RAB5C: variants seen among roughly 807,000 people sequenced by gnomAD.
RAB5C encodes the protein RAB5C, member RAS oncogene family, also known as ras-related protein Rab-5C.
RAB5C carries 4 observed loss-of-function variants against 25.2 expected under a neutral mutation model. The observed-to-expected ratio is 0.16, with a 90% CI of 0.08 to 0.36. RAB5C has a LOEUF of 0.36. Among genes scored for constraint, RAB5C ranks in the 10% least tolerant of loss-of-function variants. RAB5C has a pLI of 1.00. For synonymous variants in RAB5C, 100 were observed against 106.4 expected (o/e 0.94, Z 0.37); for missense variants, 199 against 283.8 (o/e 0.70, Z 2.15).
intron 1 of RAB5C, among the ~76,000 whole-genome samples, chr17:42,147,811 C>T (rs1476465711): frequency 6.6e-6 from 1 of 152,042 alleles, no homozygotes; most frequent in Non-Finnish European, 1.5e-5. Context: ...AAGAAGTGGG[C>T]GAGGGCCAGG....
At chr17:42,153,138 G>A (rs567077008) in intron 1 of RAB5C, among the ~76,000 whole-genome samples, 3 of 152,166 alleles carry the variant, frequency 2.0e-5, no homozygotes, top group Non-Finnish European at 4.4e-5. Context: ...TAAGTAGGCC[G>A]GGCACGGTGG....
intron 1 of RAB5C, among the ~76,000 whole-genome samples, chr17:42,140,801 C>T (rs2079598999): frequency 6.6e-6 from 1 of 151,966 alleles, no homozygotes; most frequent in African/African-American, 2.4e-5. Context: ...GTTGGGATTA[C>T]AGGCATGAGC....
chr17:42,138,485 C>G (rs994559339), intron 1 of RAB5C, among the ~76,000 whole-genome samples: 1 of 152,162 alleles, frequency 6.6e-6, no homozygotes, highest in African/African-American at 2.4e-5. Flanking sequence ...TGCTGCCTTT[C>G]CACAGCCACA....
intron 1 of RAB5C, among the ~76,000 whole-genome samples, chr17:42,149,848 A>G (rs1480861048): frequency 6.7e-6 from 1 of 148,408 alleles, no homozygotes; most frequent in African/African-American, 2.5e-5. Context: ...TGTTTTAGAC[A>G]TGGGGTCTCA....
chr17:42,149,633 G>A (rs1225055683), intron 1 of RAB5C, among the ~76,000 whole-genome samples: 1 of 152,076 alleles, frequency 6.6e-6, no homozygotes, highest in African/African-American at 2.4e-5. Flanking sequence ...TTCAATTCAT[G>A]CAAACTTTGC....
intron 1 of RAB5C, among the ~76,000 whole-genome samples, chr17:42,144,809 C>A (rs1410473371): frequency 6.6e-6 from 1 of 151,890 alleles, no homozygotes; most frequent in Non-Finnish European, 1.5e-5. Context: ...CGCCTGTAGT[C>A]CCAGCTACGC....
chr17:42,140,563 G>A (rs1282896971), intron 1 of RAB5C, among the ~76,000 whole-genome samples: 1 of 123,990 alleles, frequency 8.1e-6, no homozygotes, highest in South Asian at 2.8e-4. Flanking sequence ...TCGCTCTGTC[G>A]CCCAGGCTGG....
At chr17:42,151,426 G>A (rs1431488039) in intron 1 of RAB5C, among the ~76,000 whole-genome samples, 1 of 151,104 alleles carries the variant, frequency 6.6e-6, no homozygotes, top group Non-Finnish European at 1.5e-5. Context: ...GACAGAGCGA[G>A]ACTCCGACTC....
intron 1 of RAB5C, among the ~76,000 whole-genome samples, chr17:42,141,831 T>A (rs149703116): frequency 2.0e-5 from 3 of 152,270 alleles, no homozygotes; most frequent in Non-Finnish European, 4.4e-5. Context: ...TCGGGAAGCA[T>A]TCAGTACATG....
At chr17:42,128,855 C>G in intron 2 of RAB5C, 55 bp from the exon 3 acceptor site, 1 of 1,371,716 alleles carries the variant, frequency 7.3e-7, no homozygotes, top group Non-Finnish European at 9.5e-7. Context: ...CCACCCCACA[C>G]AATCCCACTG....
At chr17:42,133,345 C>T (rs1055557338) in intron 1 of RAB5C, among the ~76,000 whole-genome samples, 7 of 152,136 alleles carry the variant, frequency 4.6e-5, no homozygotes, top group South Asian at 2.1e-4. Flanking sequence ...CTTAGGGTAC[C>T]GAGCTGGGAA....
chr17:42,129,851 T>C (rs1484286689), intron 2 of RAB5C, among the ~76,000 whole-genome samples: 1 of 152,238 alleles, frequency 6.6e-6, no homozygotes, highest in Non-Finnish European at 1.5e-5. Context: ...TCCTAAATGC[T>C]GACCACTGGA....
intron 1 of RAB5C, among the ~76,000 whole-genome samples, chr17:42,149,054 A>G (rs1203841964): frequency 6.6e-6 from 1 of 152,190 alleles, no homozygotes; most frequent in Non-Finnish European, 1.5e-5. Flanking sequence ...TGGAAAAGTA[A>G]TCTCTTACAA....
At position 42,128,808 on chromosome 17, in the gene RAB5C, A is replaced by G; in HGVS notation, c.167-8T>C. 2.0e-6 allele frequency: 3 copies of G among 1,479,752 alleles called. No homozygotes were observed. Among genetic ancestry groups the G allele is most frequent in the Non-Finnish European group, 1.8e-6 (2 of 1,113,834 alleles). 91.7% of individuals were successfully genotyped at this position (1,479,752 alleles called of 1,614,324 possible). On this transcript the variant is annotated splice_region_variant and splice_polypyrimidine_tract_variant and intron_variant, in intron 2 of 5. Transcript: ENST00000346213. ...TCTGTGTGAGGAAGGCCGCTGTAAG[A>G]GAGAAGGAGCGTCCATGGGCAAGAG...
At position 42,128,265 on chromosome 17, in the gene RAB5C, A is replaced by C. The variant is rs749280983; in HGVS notation, c.437T>G (p.Phe146Cys). 1.2e-6 allele frequency: 2 copies of C among 1,613,150 alleles called. No homozygotes were observed. The highest frequency in any genetic ancestry group is 1.7e-6 in the Non-Finnish European group (2 of 1,179,518). ...CCAAGTCTGTCATCTCCCCACCTGG[A>C]ATTCCACGGCTCTCTTGCTGGCCAG... ...ADLASKRAVE[F>C]QEAQAYADDN... The change falls in exon 4 of 6, where the codon TTC (phenylalanine) becomes TGC (cysteine). Residue 146 changes from phenylalanine (F) to cysteine (C), a missense_variant. By Grantham distance (205) the Phe-to-Cys change is radical (BLOSUM62 -2). This residue lies in a region of RAB5C where 154 missense variants were observed against 199.6 expected (regional missense o/e 0.77). Coordinates refer to ENST00000346213, the MANE Select transcript of RAB5C (RefSeq NM_004583.4).
At chr17:42,128,489 C>T (rs1463380089) in intron 3 of RAB5C, 106 bp from the exon 4 acceptor site, 2 of 1,474,170 alleles carry the variant, frequency 1.4e-6, no homozygotes, top group Non-Finnish European at 1.8e-6. Context: ...TAAGACATTG[C>T]CACCTAAAGA....
At chr17:42,142,791 C>A (rs866772112) in intron 1 of RAB5C, among the ~76,000 whole-genome samples, 1 of 152,172 alleles carries the variant, frequency 6.6e-6, no homozygotes, top group Non-Finnish European at 1.5e-5. Context: ...TTCAGGATCA[C>A]GGCACAAAGT....
chr17:42,130,764 T>C (rs913552202), intron 1 of RAB5C, among the ~76,000 whole-genome samples, 174 bp from the exon 2 acceptor site: 3 of 151,564 alleles, frequency 2.0e-5, no homozygotes, highest in Non-Finnish European at 2.9e-5. Flanking sequence ...TGGGCTATAC[T>C]AGATGTCTAC....
intron 1 of RAB5C, among the ~76,000 whole-genome samples, chr17:42,131,433 GAAAC>G (rs756671462): frequency 8.7e-5 from 13 of 148,946 alleles, no homozygotes; most frequent in East Asian, 2.0e-4. Context: ...AATACACACT[GAAAC>G]ACACACACAC....
Sources: gnomAD v4.1 joint callset for allele counts (sites outside exome capture counted in the v4.1 genomes callset) on GRCh38, gnomAD v4.1.1 for gene constraint, gnomAD v4.1.1 regional missense constraint, MANE v1.5 for transcripts, NCBI Gene and HGNC (gene_info 2026-07-23, HGNC 2026-07-21) for gene names.